RAB38: variants seen among roughly 807,000 people sequenced by gnomAD.
RAB38 encodes ras-related protein Rab-38.
A neutral mutation model predicts 18.4 loss-of-function variants in RAB38; 15 were observed. The observed-to-expected ratio is 0.82, with a 90% CI of 0.55 to 1.26. The LOEUF is 1.26. RAB38 is among the 50% of genes most tolerant of loss of function. The pLI is 0.00. For missense variants in RAB38, 294 were observed against 267.4 expected, an observed-to-expected ratio of 1.10 and a Z score of -0.69; for synonymous variants, 101 against 104.4, an observed-to-expected ratio of 0.97 and a Z score of 0.20.
At chr11:87,917,882 A>G in the RAB38 span, 15 of 152,110 alleles carry the variant, frequency 9.9e-5, no homozygotes, top group East Asian at 2.5e-3. Context: ...AACTATCCTT[A>G]TTTTCTGGTT....
At chr11:87,836,107 C>G in the RAB38 span, among the ~76,000 whole-genome samples, 1 of 152,112 alleles carries the variant, frequency 6.6e-6, no homozygotes, top group Non-Finnish European at 1.5e-5. Flanking sequence ...GTAAGGAATG[C>G]TAATGAGCAG....
chr11:87,941,242 T>TATATATATATATATATATATATAC, the RAB38 span, among the ~76,000 whole-genome samples: 1 of 134,154 alleles, frequency 7.5e-6, no homozygotes, highest in Non-Finnish European at 1.6e-5. Flanking sequence ...TATATATATA[T>TATATATATATATATATATATATAC]ATATGTAACT....
the RAB38 span, among the ~76,000 whole-genome samples, chr11:88,081,449 G>A: frequency 6.6e-6 from 1 of 151,910 alleles, no homozygotes; most frequent in Non-Finnish European, 1.5e-5. Context: ...GATGCCAGAA[G>A]TTATGGATGT....
chr11:88,157,170 A>C (rs957117960), intron 1 of RAB38, among the ~76,000 whole-genome samples: 1 of 152,180 alleles, frequency 6.6e-6, no homozygotes, highest in Non-Finnish European at 1.5e-5. Flanking sequence ...CAAACAGAAA[A>C]CAAAAAAGAG....
the RAB38 span, among the ~76,000 whole-genome samples, chr11:87,886,824 GTT>G: frequency 3.6e-5 from 5 of 139,022 alleles, no homozygotes; most frequent in African/African-American, 1.3e-4. Flanking sequence ...TGAAGCACTT[GTT>G]TTTTTTTTTT....
At chr11:88,074,532 T>C in the RAB38 span, among the ~76,000 whole-genome samples, 1 of 152,072 alleles carries the variant, frequency 6.6e-6, no homozygotes. Flanking sequence ...ATAGTAACCA[T>C]AATGCAAATA....
At chr11:88,042,027 T>C in the RAB38 span, among the ~76,000 whole-genome samples, 2 of 152,102 alleles carry the variant, frequency 1.3e-5, no homozygotes, top group African/African-American at 2.4e-5. Context: ...GAAAAGGAAA[T>C]TGGGGTTTAG....
At chr11:87,890,919 A>T in the RAB38 span, among the ~76,000 whole-genome samples, 1 of 151,892 alleles carries the variant, frequency 6.6e-6, no homozygotes, top group Non-Finnish European at 1.5e-5. Context: ...TAAAAAAAAT[A>T]TTCGTAAGAA....
chr11:88,172,685 T>C (rs1193978545), intron 1 of RAB38, among the ~76,000 whole-genome samples: 1 of 152,182 alleles, frequency 6.6e-6, no homozygotes, highest in African/African-American at 2.4e-5. Context: ...AAGGTACACC[T>C]GGCTGACTGG....
At chr11:88,007,203 A>C in the RAB38 span, among the ~76,000 whole-genome samples, 1 of 152,028 alleles carries the variant, frequency 6.6e-6, no homozygotes, top group Admixed American at 6.5e-5. Context: ...TAAACCATCC[A>C]GATAAAAATT....
the RAB38 span, among the ~76,000 whole-genome samples, chr11:88,006,639 A>T: frequency 1.3e-5 from 2 of 148,204 alleles, no homozygotes; most frequent in Non-Finnish European, 3.0e-5. Flanking sequence ...ATATATATAC[A>T]CATATAGACA....
At chr11:87,917,122 T>C in the RAB38 span, among the ~76,000 whole-genome samples, 2 of 152,080 alleles carry the variant, frequency 1.3e-5, no homozygotes, top group African/African-American at 4.8e-5. Flanking sequence ...CAAGCAGGTT[T>C]CTTATGGGGA....
At chr11:87,878,827 G>A in the RAB38 span, among the ~76,000 whole-genome samples, 1 of 151,800 alleles carries the variant, frequency 6.6e-6, no homozygotes, top group South Asian at 2.1e-4. Context: ...AGAAAAATGT[G>A]ACTTTGGCTC....
chr11:87,900,949 T>C, the RAB38 span, among the ~76,000 whole-genome samples: 1 of 151,624 alleles, frequency 6.6e-6, no homozygotes, highest in Non-Finnish European at 1.5e-5. Flanking sequence ...TTAATATATA[T>C]GTTTATTCCA....
At chr11:87,896,438 CTG>C in the RAB38 span, among the ~76,000 whole-genome samples, 1 of 151,616 alleles carries the variant, frequency 6.6e-6, no homozygotes, top group African/African-American at 2.4e-5. Flanking sequence ...AGAAAGAAAA[CTG>C]TTTCGAATTT....
chr11:87,955,552 T>C, the RAB38 span, among the ~76,000 whole-genome samples: 1 of 152,198 alleles, frequency 6.6e-6, no homozygotes, highest in Non-Finnish European at 1.5e-5. Flanking sequence ...TGACTTATCC[T>C]ATAGACTCTT....
At chr11:88,034,689 A>T in the RAB38 span, among the ~76,000 whole-genome samples, 1 of 152,012 alleles carries the variant, frequency 6.6e-6, no homozygotes, top group Admixed American at 6.5e-5. Context: ...TCGTTTCCTA[A>T]TTGGATTTTT....
At chr11:88,056,075 A>AT in the RAB38 span, among the ~76,000 whole-genome samples, 1 of 151,568 alleles carries the variant, frequency 6.6e-6, no homozygotes, top group Non-Finnish European at 1.5e-5. Context: ...CTTTTGTGTA[A>AT]TTATTTTTAG....
chr11:87,875,938 C>T, the RAB38 span, among the ~76,000 whole-genome samples: 1 of 151,508 alleles, frequency 6.6e-6, no homozygotes, highest in African/African-American at 2.4e-5. Context: ...ACTTTTTCCT[C>T]CCCATTCTTT....
Sources: allele counts gnomAD v4.1 joint callset (sites outside exome capture counted in the v4.1 genomes callset), GRCh38; gene constraint gnomAD v4.1.1; transcripts MANE v1.5; gene names NCBI Gene and HGNC (gene_info 2026-07-23, HGNC 2026-07-21).